Variants in PTPRN2 observed in about 807,000 individuals in gnomAD.
The protein encoded by PTPRN2 is receptor-type tyrosine-protein phosphatase N2.
PTPRN2 carries 74 observed loss-of-function variants against 118.8 expected under a neutral mutation model. The observed-to-expected ratio is 0.62, with a 90% CI of 0.52 to 0.76. PTPRN2 has a LOEUF of 0.76. Ranked by LOEUF, PTPRN2 falls within the 30% of genes least tolerant of loss-of-function variation. The pLI is 0.00. For missense variants in PTPRN2, 1,481 were observed against 1,394.4 expected (o/e 1.06, Z -0.99); for synonymous variants, 641 against 608.0 (o/e 1.05, Z -0.80).
chr7:157,630,788 C>T (rs1803893933), intron 14 of PTPRN2, among the ~76,000 whole-genome samples: 1 of 152,176 alleles, frequency 6.6e-6, no homozygotes, highest in Non-Finnish European at 1.5e-5. Flanking sequence ...AAGGAATTAA[C>T]AAGAGTGTGT....
chr7:158,501,744 G>C (rs1488199912), intron 1 of PTPRN2, among the ~76,000 whole-genome samples: 2 of 152,202 alleles, frequency 1.3e-5, no homozygotes, highest in East Asian at 1.9e-4. Context: ...AGGCCAACGC[G>C]TGTTTCGGCA....
At chr7:158,266,366 C>T (rs113287111) in intron 3 of PTPRN2, among the ~76,000 whole-genome samples, 2 of 89,300 alleles carry the variant, frequency 2.2e-5, no homozygotes, top group Non-Finnish European at 4.5e-5. Context: ...GCGTCTGCTG[C>T]GGGGTATTGT....
chr7:158,489,079 C>T (rs1211699411), intron 2 of PTPRN2, among the ~76,000 whole-genome samples: 1 of 152,264 alleles, frequency 6.6e-6, no homozygotes, highest in African/African-American at 2.4e-5. Context: ...GGGCTTTCAG[C>T]CCAACCTGAA....
Position 157,831,558 on chromosome 7 carries a change from G to A in PTPRN2, c.1788+67115C>T, listed in dbSNP as rs145084426. Among the ~76,000 whole-genome samples, 564 of 152,266 alleles carry A rather than the reference G, an allele frequency of 3.7e-3. 3 individuals carry two copies. The highest frequency in any genetic ancestry group is 0.013 in the African/African-American group (532 of 41,552). On this transcript the variant is annotated intron_variant, in intron 12 of 22. Transcript: ENST00000389418. This position sits in a 1 kb window ranked among gnomAD's most constrained non-coding sequence, Gnocchi z 4.8. ...ACTGAGCAGGGTGAGGCAGGGAAGA[G>A]GAGGAGCAGAGGAGTGGCTGGGAGG... is the stretch of plus-strand genomic sequence containing the variant.
chr7:157,722,639 C>T (rs150480643), intron 12 of PTPRN2, among the ~76,000 whole-genome samples: 2,320 of 152,238 alleles, frequency 0.015, 26 homozygotes, highest in Non-Finnish European at 0.02. Flanking sequence ...CTCCATTCCT[C>T]GGCAGGGCAC....
intron 11 of PTPRN2, among the ~76,000 whole-genome samples, chr7:157,954,172 GTGTGGTGTGTGTGGTACATGTGTGC>G (rs2128804097): frequency 1.2e-5 from 1 of 80,950 alleles, no homozygotes; most frequent in East Asian, 4.1e-4. Flanking sequence ...TGTGTGTGCT[GTGTGGTGTGTGTGGTACATGTGTGC>G]TGTGTGGTGT....
At chr7:157,571,535 GA>G in intron 19 of PTPRN2, 42 bp from the exon 20 acceptor site, 1 of 1,459,104 alleles carries the variant, frequency 6.9e-7, no homozygotes, top group Middle Eastern at 1.7e-4. Flanking sequence ...TGTGTACTAA[GA>G]CTTTGCGTTA....
intron 2 of PTPRN2, among the ~76,000 whole-genome samples, chr7:158,466,850 G>C (rs549391089): frequency 7.9e-5 from 12 of 152,132 alleles, no homozygotes; most frequent in Non-Finnish European, 1.8e-4. Flanking sequence ...AGACCAGCCT[G>C]GCCAACACGG....
At chr7:158,295,140 C>T (rs111827021) in intron 3 of PTPRN2, among the ~76,000 whole-genome samples, 5 of 141,708 alleles carry the variant, frequency 3.5e-5, no homozygotes, top group African/African-American at 8.0e-5. Flanking sequence ...CCATGGCACC[C>T]GCTGACCCTG....
chr7:157,734,966 G>A (rs1490004798), intron 12 of PTPRN2, among the ~76,000 whole-genome samples: 4 of 152,228 alleles, frequency 2.6e-5, no homozygotes, highest in South Asian at 4.1e-4. Context: ...AATAGCAGCC[G>A]CTAACTGCCT....
Position 158,253,615 on chromosome 7 carries a change from T to C in PTPRN2, c.278-48342A>G, listed in dbSNP as rs192153955. 2.6e-5 allele frequency among the ~76,000 whole-genome samples: 4 copies of C among 152,216 alleles called. No homozygotes were observed. The East Asian group carries it at 7.7e-4, about 29-fold the overall frequency. ...ATCTGTCCCCTCCCCTCGGCGGTGG[T>C]CAGGTTGGCCTTGAGTCTTCCATGA... On this transcript the variant is annotated intron_variant, in intron 3 of 22. Transcript: ENST00000389418.
intron 3 of PTPRN2, among the ~76,000 whole-genome samples, chr7:158,212,701 A>C (rs1437654266): frequency 6.6e-6 from 1 of 152,122 alleles, no homozygotes; most frequent in Non-Finnish European, 1.5e-5. Flanking sequence ...CCTCATCCAC[A>C]ATAAGCACAT....
At chr7:158,168,359 C>T (rs544903302) in intron 5 of PTPRN2, among the ~76,000 whole-genome samples, 7 of 152,232 alleles carry the variant, frequency 4.6e-5, no homozygotes, top group African/African-American at 7.2e-5. Context: ...TCATGAGGCT[C>T]GGCGGTGCCT....
At chr7:158,060,734 G>A (rs958263796) in intron 11 of PTPRN2, among the ~76,000 whole-genome samples, 2 of 152,236 alleles carry the variant, frequency 1.3e-5, no homozygotes, top group African/African-American at 4.8e-5. Flanking sequence ...CAGCCTGCTA[G>A]AGACATTGCA....
At position 157,540,681 on chromosome 7, in the gene PTPRN2, T is replaced by C. The variant is rs755508512; in HGVS notation, c.*33A>G. On this transcript the variant is annotated 3_prime_UTR_variant, in exon 23 of 23. Transcript: ENST00000389418. ...ATGATTCCTGACAACATCCGTGGGG[T>C]GGGGGCTCCCCTGAGGCCCCTGAGG... 2.0e-5 allele frequency: 30 copies of C among 1,479,008 alleles called. No homozygotes were observed. The highest frequency in any genetic ancestry group is 2.7e-5 in the Non-Finnish European group (29 of 1,082,396). The allele number at this position is 1,479,008 out of a possible 1,614,324, so 91.6% of individuals were successfully genotyped here. A position where few individuals can be genotyped will look rare whatever the true frequency, so the allele number is the denominator to read the frequency against.
Position 157,609,379 on chromosome 7 carries a change from G to A in PTPRN2, c.2345-5304C>T, listed in dbSNP as rs1468357518. Among the ~76,000 whole-genome samples the A allele has an allele frequency of 6.6e-6, 1 of 151,958 alleles. No individual in the cohort carries two copies. The highest frequency in any genetic ancestry group is 6.6e-5 in the Admixed American group (1 of 15,246). On this transcript the variant is annotated intron_variant, in intron 15 of 22. Transcript: ENST00000389418. The surrounding 1 kb of genome is among the most constrained non-coding windows in gnomAD (Gnocchi z 4.9). ...GCCTGGACAACAAGAGTGAAACTCTGTCTCAAAAAAATTTTTTTTTAAATA... is the reference window on the plus strand; with the variant it reads ...GCCTGGACAACAAGAGTGAAACTCTATCTCAAAAAAATTTTTTTTTAAATA...
intron 2 of PTPRN2, among the ~76,000 whole-genome samples, chr7:158,370,192 C>T (rs892255052): frequency 6.6e-6 from 1 of 152,144 alleles, no homozygotes; most frequent in East Asian, 1.9e-4. Flanking sequence ...AATCTCAACA[C>T]TTAGGGAGGC....
chr7:158,016,022 AC>A (rs2128872355), intron 11 of PTPRN2, among the ~76,000 whole-genome samples: 1 of 152,232 alleles, frequency 6.6e-6, no homozygotes, highest in Non-Finnish European at 1.5e-5. Flanking sequence ...GGTGGAAAAC[AC>A]GCACAGTGCA....
chr7:158,004,418 A>C (rs1042597499), intron 11 of PTPRN2, among the ~76,000 whole-genome samples: 5 of 152,236 alleles, frequency 3.3e-5, no homozygotes, highest in Non-Finnish European at 5.9e-5. Context: ...CAGCAGATTA[A>C]AAAATTAACC....
Sources: allele counts gnomAD v4.1 joint callset (sites outside exome capture counted in the v4.1 genomes callset), GRCh38; gene constraint gnomAD v4.1.1; non-coding constraint Gnocchi (gnomAD v3.1); transcripts MANE v1.5; gene names NCBI Gene and HGNC (gene_info 2026-07-23, HGNC 2026-07-21).